Variants in VPS13C observed in about 807,000 individuals in gnomAD.
VPS13C encodes the protein vacuolar protein sorting 13 homolog C.
A neutral mutation model predicts 456.8 loss-of-function variants in VPS13C; 358 were observed. The ratio of observed to expected loss-of-function variants is 0.78; its 90% CI spans 0.72 to 0.86. VPS13C has a LOEUF of 0.86. VPS13C is among the 40% of genes least tolerant of loss of function. The probability of loss-of-function intolerance (pLI) is 0.00; values close to 1 mark genes in which losing one functional copy is unlikely to be tolerated. For synonymous variants in VPS13C, 1,578 were observed against 1,486.7 expected (o/e 1.06, Z -1.41); for missense variants, 4,818 against 4,385.4 (o/e 1.10, Z -2.79).
At chr15:62,037,560 T>C (rs996309948) in intron 3 of VPS13C, among the ~76,000 whole-genome samples, 5 of 99,684 alleles carry the variant, frequency 5.0e-5, no homozygotes, top group East Asian at 2.6e-4. Context: ...CTATAATTGA[T>C]CTAAGACACT....
chr15:62,059,201 C>A (rs1642987275), intron 1 of VPS13C, among the ~76,000 whole-genome samples: 1 of 152,046 alleles, frequency 6.6e-6, no homozygotes, highest in African/African-American at 2.4e-5. Flanking sequence ...AATGCTTATT[C>A]AAAACGATGT....
chr15:61,927,698 A>G (rs2043904959), intron 51 of VPS13C, among the ~76,000 whole-genome samples: 2 of 152,214 alleles, frequency 1.3e-5, no homozygotes, highest in African/African-American at 2.4e-5. Flanking sequence ...TACTGGGTAC[A>G]TACCCAAAGG....
At chr15:61,994,930 G>A (rs1217881764) in intron 16 of VPS13C, among the ~76,000 whole-genome samples, 2 of 152,124 alleles carry the variant, frequency 1.3e-5, no homozygotes, top group Non-Finnish European at 2.9e-5. Flanking sequence ...TGATTCTGCT[G>A]ACATTGAAAA....
intron 31 of VPS13C, among the ~76,000 whole-genome samples, 154 bp downstream of exon 31, chr15:61,964,545 T>C (rs2045319606): frequency 1.3e-5 from 2 of 152,172 alleles, no homozygotes; most frequent in African/African-American, 4.8e-5. Flanking sequence ...TGATTACATT[T>C]GCCTTATACA....
At position 61,941,826 on chromosome 15, in the gene VPS13C, T is replaced by C. The variant is rs2044436282; in HGVS notation, c.5390A>G (p.His1797Arg). 1 of 1,613,906 alleles carries C rather than the reference T, an allele frequency of 6.2e-7. No individual in the cohort carries two copies. The change falls in exon 46 of 85, where the codon CAT (histidine) becomes CGT (arginine). Residue 1797 changes from histidine to arginine, a missense_variant. His to Arg is a conservative substitution (Grantham distance 29, BLOSUM62 0). Transcript: ENST00000644861. ...ATCAATGACTGGAGGAAGAGAATAA[T>C]GTTCCATAGGAACCAAGCTAAACTT... ...ENKFSLVPMEHYSLPPVIDKM... is the reference protein window; with the variant it reads ...ENKFSLVPMERYSLPPVIDKM...
intron 1 of VPS13C, among the ~76,000 whole-genome samples, chr15:62,057,422 A>G (rs1376954799): frequency 6.6e-6 from 1 of 152,218 alleles, no homozygotes; most frequent in Non-Finnish European, 1.5e-5. Flanking sequence ...AACAGGAAAA[A>G]TCAACTCAGA....
chr15:61,957,849 A>G (rs1310987670), intron 37 of VPS13C, among the ~76,000 whole-genome samples: 2 of 152,154 alleles, frequency 1.3e-5, no homozygotes, highest in East Asian at 1.9e-4. Context: ...CTTCAATAGA[A>G]TTTAATACCA....
At chr15:61,917,690 G>A in intron 59 of VPS13C, 55 bp from the exon 60 acceptor site, 1 of 1,542,870 alleles carries the variant, frequency 6.5e-7, no homozygotes, top group Non-Finnish European at 8.8e-7. Context: ...TTAAAAAAAA[G>A]CATCTCATTA....
intron 9 of VPS13C, among the ~76,000 whole-genome samples, chr15:62,016,424 C>A (rs2047251085): frequency 8.7e-6 from 1 of 114,798 alleles, no homozygotes; most frequent in African/African-American, 3.3e-5. Flanking sequence ...CTCCCCCCTC[C>A]CCCGACCCCA....
chr15:61,950,167 A>G (rs987533611), intron 41 of VPS13C, among the ~76,000 whole-genome samples, 191 bp downstream of exon 41: 3 of 152,190 alleles, frequency 2.0e-5, no homozygotes, highest in Admixed American at 1.3e-4. Flanking sequence ...ATCTTTTCAG[A>G]ACATAAATCA....
chr15:61,879,312 A>C (rs575274023), intron 73 of VPS13C: 21 of 152,292 alleles, frequency 1.4e-4, no homozygotes, highest in African/African-American at 4.1e-4. Flanking sequence ...GTGTAAATAA[A>C]GTAGATGAAT....
chr15:61,995,170 T>C (rs1280038996), intron 16 of VPS13C, among the ~76,000 whole-genome samples: 1 of 152,224 alleles, frequency 6.6e-6, no homozygotes, highest in Non-Finnish European at 1.5e-5. Flanking sequence ...TTATTACTAA[T>C]TTCAGTGAAA....
chr15:61,897,645 T>C (rs1359248335), intron 66 of VPS13C, among the ~76,000 whole-genome samples: 2 of 152,146 alleles, frequency 1.3e-5, no homozygotes, highest in African/African-American at 2.4e-5. Context: ...CTGAAAGTGA[T>C]GGGGAGAATG....
Position 61,933,719 on chromosome 15 carries a change from G to T in VPS13C, c.5868+500C>A, listed in dbSNP as rs548287334. On this transcript the variant is annotated intron_variant, in intron 49 of 84. Transcript: ENST00000644861. ...CAAATCATCATGGCATAAGACCTTG[G>T]CTCTTCAATTCTTTAATTAGTATCC... is the stretch of plus-strand genomic sequence containing the variant. Among the ~76,000 whole-genome samples, 4 of 151,920 alleles carry T rather than the reference G, an allele frequency of 2.6e-5. No individual in the cohort carries two copies. In the East Asian group the frequency reaches 7.7e-4, roughly 29 times the overall value.
intron 49 of VPS13C, 95 bp from the exon 50 acceptor site, chr15:61,931,354 C>G: frequency 7.9e-7 from 1 of 1,260,686 alleles, no homozygotes; most frequent in Non-Finnish European, 1.1e-6. Flanking sequence ...TAAAGGCAAA[C>G]TGATCTCATG....
In VPS13C at chr15:61,865,790, A is replaced by C. The variant is rs905348517; in HGVS notation, c.10864-2262T>G. On this transcript the variant is annotated intron_variant, in intron 81 of 84. Transcript: ENST00000644861. Reference sequence around the variant, plus strand: ...CGTGTGTATATATGTATGTGTATATATATGTGTGTGTGTATATATATATGA... The same window carrying C: ...CGTGTGTATATATGTATGTGTATATCTATGTGTGTGTGTATATATATATGA... 7.9e-6 allele frequency: 6 copies of C among 757,194 alleles called. No homozygotes were observed. In the African/African-American group the frequency reaches 1.4e-4, roughly 17 times the overall value. 46.9% of individuals were successfully genotyped at this position (757,194 alleles called of 1,614,324 possible).
chr15:61,961,574 A>G lies in VPS13C; in HGVS notation c.3908+15T>C, dbSNP rs2045208143. 1 of 1,526,640 alleles carries G rather than the reference A, an allele frequency of 6.6e-7. No individual in the cohort carries two copies. The highest frequency in any genetic ancestry group is 1.4e-5 in the African/African-American group (1 of 71,654). The allele number at this position is 1,526,640 out of a possible 1,614,324, so 94.6% of individuals were successfully genotyped here. ...GAATATAATATTTAAATCCATAATT[A>G]TTGAAAGAGCATACCTATAAAGTGT... is the stretch of plus-strand genomic sequence containing the variant. On this transcript the variant is annotated intron_variant, in intron 35 of 84. Coordinates refer to ENST00000644861, the MANE Select transcript of VPS13C (RefSeq NM_020821.3).
At chr15:61,865,451 A>C in intron 81 of VPS13C, 4 of 984,730 alleles carry the variant, frequency 4.1e-6, no homozygotes, top group Non-Finnish European at 4.8e-6. Context: ...AAAAAGCAAG[A>C]AATGCTGTTT....
At chr15:61,959,654 A>T (rs1017256543) in intron 35 of VPS13C, 59 bp from the exon 36 acceptor site, 21 of 1,517,296 alleles carry the variant, frequency 1.4e-5, no homozygotes, top group East Asian at 4.6e-5. Context: ...GCAACATATT[A>T]AAAAAAAGCA....
Sources: allele counts gnomAD v4.1 joint callset (sites outside exome capture counted in the v4.1 genomes callset), GRCh38; gene constraint gnomAD v4.1.1; transcripts MANE v1.5; gene names NCBI Gene and HGNC (gene_info 2026-07-23, HGNC 2026-07-21).